MRTO4: variants seen among roughly 807,000 people sequenced by gnomAD.
The protein encoded by MRTO4 is MRT4 homolog, ribosome maturation factor.
Under a neutral mutation model 28.6 loss-of-function variants are expected in MRTO4, and 7 were observed. The ratio of observed to expected loss-of-function variants is 0.24; its 90% CI spans 0.14 to 0.46. The LOEUF (loss-of-function observed/expected upper bound fraction) is 0.46, where lower values mean the gene tolerates loss of function less well. MRTO4 is among the 20% of genes least tolerant of loss of function. The pLI is 0.99. For synonymous variants in MRTO4, 113 were observed against 108.2 expected (o/e 1.04, Z -0.27); for missense variants, 302 against 298.3 (o/e 1.01, Z -0.09).
At chr1:19,257,412 C>T in intron 4 of MRTO4, 42 bp from the exon 5 acceptor site, 1 of 1,610,110 alleles carries the variant, frequency 6.2e-7, no homozygotes, top group Non-Finnish European at 8.5e-7. Flanking sequence ...TAGAGAACCA[C>T]TGCTCTAATG....
At chr1:19,254,472 G>T (rs1028734274) in intron 1 of MRTO4, among the ~76,000 whole-genome samples, 2 of 152,178 alleles carry the variant, frequency 1.3e-5, no homozygotes, top group African/African-American at 4.8e-5. Flanking sequence ...CTAGCAGCAG[G>T]AACAGCCTCC....
At chr1:19,256,148 T>G in intron 3 of MRTO4, 97 bp downstream of exon 3, 2 of 1,005,972 alleles carry the variant, frequency 2.0e-6, no homozygotes, top group Admixed American at 4.0e-5. Flanking sequence ...TTTAGGTGCC[T>G]GGGTCATGCC....
At chr1:19,252,966 G>C (rs988116583) in intron 1 of MRTO4, among the ~76,000 whole-genome samples, 3 of 152,150 alleles carry the variant, frequency 2.0e-5, no homozygotes, top group African/African-American at 7.2e-5. Flanking sequence ...GACCGTTTTT[G>C]ACCACCTTTG....
At chr1:19,258,109 G>C in intron 6 of MRTO4, 125 bp downstream of exon 6, 1 of 1,271,830 alleles carries the variant, frequency 7.9e-7, no homozygotes, top group South Asian at 1.5e-5. Context: ...AGAAAATGGG[G>C]CTAAGAGTGC....
intron 7 of MRTO4, 62 bp from the exon 8 acceptor site, chr1:19,258,619 G>A: frequency 1.2e-6 from 2 of 1,614,016 alleles, no homozygotes; most frequent in Non-Finnish European, 1.7e-6. Context: ...TGCTGAAAAT[G>A]CCCCCCTGCA....
rs2093677795 is a variant in MRTO4, at chr1:19,259,827, C to G, written c.*997C>G. 6.6e-6 allele frequency: 1 copy of G among 152,272 alleles called. No homozygotes were observed. The highest frequency in any genetic ancestry group is 2.4e-5 in the African/African-American group (1 of 41,462). 9.4% of individuals were successfully genotyped at this position (152,272 alleles called of 1,614,324 possible). On this transcript the variant is annotated 3_prime_UTR_variant, in exon 8 of 8. Coordinates refer to ENST00000330263, the MANE Select transcript of MRTO4 (RefSeq NM_016183.4). ...CACTGCAAGAGTTGAGAGCCAGCGT[C>G]TAAAGTGTCCACGGCATCCTGGGAG...
At chr1:19,257,596 C>G (rs1442122326) in intron 5 of MRTO4, 75 bp downstream of exon 5, 10 of 1,569,912 alleles carry the variant, frequency 6.4e-6, no homozygotes, top group Non-Finnish European at 8.8e-6. Context: ...GCAGGAACTT[C>G]GTTCCATATG....
In MRTO4 at chr1:19,257,926, C is replaced by T. The variant is rs2093674102; in HGVS notation, c.435C>T (p.Phe145=). Residue 145 remains phenylalanine (F), a synonymous_variant, in exon 6 of 8, where the codon TTC becomes TTT. Coordinates refer to ENST00000330263, the MANE Select transcript of MRTO4 (RefSeq NM_016183.4). ...VSLDPGPLEQ[F]PHSMEPQLRQ... ...TGGATCCAGGGCCCCTGGAGCAGTTCCCCCACTCCATGGAGCCACAGCTCA... is the reference window on the plus strand; with the variant it reads ...TGGATCCAGGGCCCCTGGAGCAGTTTCCCCACTCCATGGAGCCACAGCTCA... The T allele has an allele frequency of 1.2e-6, 2 of 1,614,078 alleles. No homozygotes were observed. Among genetic ancestry groups the T allele is most frequent in the Non-Finnish European group, 8.5e-7 (1 of 1,180,014 alleles).
chr1:19,258,425 GGCTCT>G (rs2093674804), intron 6 of MRTO4, 47 bp from the exon 7 acceptor site: 11 of 1,595,090 alleles, frequency 6.9e-6, no homozygotes, highest in African/African-American at 1.3e-5. Flanking sequence ...GGGCAGAGAG[GGCTCT>G]GCAGGCCTCT....
chr1:19,257,248 A>T, intron 4 of MRTO4, 103 bp downstream of exon 4: 1 of 1,295,904 alleles, frequency 7.7e-7, no homozygotes, highest in East Asian at 2.3e-5. Context: ...CCGGAGGCTC[A>T]GGGAGAGCAG....
At chr1:19,252,899 C>T (rs1486649139) in intron 1 of MRTO4, among the ~76,000 whole-genome samples, 1 of 152,156 alleles carries the variant, frequency 6.6e-6, no homozygotes, top group East Asian at 1.9e-4. Flanking sequence ...ACCACCCTCC[C>T]TGAGTGCTGG....
chr1:19,258,802 A>G lies in MRTO4; in HGVS notation c.692A>G (p.Glu231Gly). The change falls in exon 8 of 8, where the codon GAA becomes GGA. Residue 231 changes from glutamate to glycine, a missense_variant. By Grantham distance (98) the Glu-to-Gly change is moderately conservative. Transcript: ENST00000330263. ...CCAGAGAGCGCATCTGAGTCCACAG[A>G]AGAGTCAGACTCAGAAGATGATGAC... Reference protein sequence around the residue: ...DLPESASESTEESDSEDDD With the variant: ...DLPESASESTGESDSEDDD The G allele has an allele frequency of 5.0e-6, 8 of 1,614,178 alleles. No individual in the cohort carries two copies. The highest frequency in any genetic ancestry group is 6.8e-6 in the Non-Finnish European group (8 of 1,180,040).
At chr1:19,252,464 G>A (rs2093663393) in intron 1 of MRTO4, among the ~76,000 whole-genome samples, 1 of 152,190 alleles carries the variant, frequency 6.6e-6, no homozygotes, top group African/African-American at 2.4e-5. Flanking sequence ...CTGGGAGGCC[G>A]AGGCGGGCGA....
intron 2 of MRTO4, 97 bp from the exon 3 acceptor site, chr1:19,255,851 G>A: frequency 9.9e-7 from 1 of 1,008,336 alleles, no homozygotes; most frequent in Non-Finnish European, 1.5e-6. Flanking sequence ...TTCCATAGTT[G>A]TCAGGGGCCC....
chr1:19,251,958 G>A, intron 1 of MRTO4, 95 bp downstream of exon 1: 1 of 1,491,404 alleles, frequency 6.7e-7, no homozygotes, highest in Non-Finnish European at 9.1e-7. Context: ...GCGCAGATTG[G>A]AACGCCAGGA....
chr1:19,254,351 C>T (rs1055871426), intron 1 of MRTO4, among the ~76,000 whole-genome samples: 4 of 151,852 alleles, frequency 2.6e-5, no homozygotes, highest in African/African-American at 9.7e-5. Context: ...GAGCCCAGAT[C>T]GTGCCATTGC....
intron 1 of MRTO4, 107 bp downstream of exon 1, chr1:19,251,970 A>C: frequency 7.0e-7 from 1 of 1,437,510 alleles, no homozygotes; most frequent in Non-Finnish European, 9.4e-7. Flanking sequence ...ACGCCAGGAC[A>C]TCCTCGAGGT....
intron 1 of MRTO4, among the ~76,000 whole-genome samples, chr1:19,252,607 G>A (rs2093663819): frequency 6.6e-6 from 1 of 151,978 alleles, no homozygotes; most frequent in Non-Finnish European, 1.5e-5. Flanking sequence ...ACTGAGGCGG[G>A]AGAATCGCTT....
chr1:19,258,900 CCT>C lies in MRTO4; in HGVS notation c.*73_*74del. 1 of 1,510,584 alleles carries C rather than the reference CCT, an allele frequency of 6.6e-7. No individual in the cohort carries two copies. The highest frequency in any genetic ancestry group is 8.9e-7 in the Non-Finnish European group (1 of 1,123,392). 93.6% of individuals were successfully genotyped at this position (1,510,584 alleles called of 1,614,324 possible). ...CTGGACCATCAGGACTGCTGCCGCC[CCT>C]CTGGAGAGAGCAGCTTTTTATTTGT... is the stretch of plus-strand genomic sequence containing the variant. On this transcript the variant is annotated 3_prime_UTR_variant, in exon 8 of 8. Transcript: ENST00000330263.
Sources: gnomAD v4.1 joint callset for allele counts (sites outside exome capture counted in the v4.1 genomes callset) on GRCh38, gnomAD v4.1.1 for gene constraint, MANE v1.5 for transcripts, NCBI Gene and HGNC (gene_info 2026-07-23, HGNC 2026-07-21) for gene names.